FOXP1: variants seen among roughly 807,000 people sequenced by gnomAD.
FOXP1 encodes the protein forkhead box protein P1.
In FOXP1, 15 loss-of-function variants were observed where a neutral mutation model predicts 98.2. The ratio of observed to expected loss-of-function variants is 0.15; its 90% CI spans 0.10 to 0.24. The LOEUF (loss-of-function observed/expected upper bound fraction) is 0.24, where lower values mean the gene tolerates loss of function less well. Among genes scored for constraint, FOXP1 ranks in the 10% least tolerant of loss-of-function variants. The pLI is 1.00. For synonymous variants in FOXP1, 371 were observed against 314.5 expected, an observed-to-expected ratio of 1.18 and a Z score of -1.90; for missense variants, 633 against 848.5, an observed-to-expected ratio of 0.75 and a Z score of 3.15.
At chr3:70,961,377 C>T (rs1575666485) in intron 20 of FOXP1, among the ~76,000 whole-genome samples, 1 of 152,046 alleles carries the variant, frequency 6.6e-6, no homozygotes, top group Non-Finnish European at 1.5e-5. Context: ...ATTACAGGGG[C>T]CCACCACCAC....
intron 7 of FOXP1, among the ~76,000 whole-genome samples, chr3:71,105,781 C>G (rs1383460228): frequency 6.6e-6 from 1 of 152,066 alleles, no homozygotes; most frequent in Non-Finnish European, 1.5e-5. Flanking sequence ...GAGACACACA[C>G]GCACAGGCAC....
At chr3:71,446,977 TC>T (rs1385398598) in intron 3 of FOXP1, among the ~76,000 whole-genome samples, 1 of 152,236 alleles carries the variant, frequency 6.6e-6, no homozygotes, top group Non-Finnish European at 1.5e-5. Flanking sequence ...AGGCAGGGAC[TC>T]AAACACTAGG....
At chr3:71,270,287 T>C (rs1181123326) in intron 5 of FOXP1, among the ~76,000 whole-genome samples, 1 of 152,114 alleles carries the variant, frequency 6.6e-6, no homozygotes, top group Non-Finnish European at 1.5e-5. Context: ...ATTAAAAGCT[T>C]ACTAGTGCTA....
chr3:71,475,847 A>C (rs1300099394), intron 3 of FOXP1, among the ~76,000 whole-genome samples: 2 of 151,914 alleles, frequency 1.3e-5, no homozygotes, highest in Non-Finnish European at 2.9e-5. Flanking sequence ...ACCTCAAAAA[A>C]TAAAAATAAA....
chr3:71,473,114 T>C (rs2089505775), intron 3 of FOXP1, among the ~76,000 whole-genome samples: 1 of 152,126 alleles, frequency 6.6e-6, no homozygotes, highest in Admixed American at 6.5e-5. Flanking sequence ...CCATTTTAGG[T>C]AACAGAATAA....
At chr3:71,170,577 C>T (rs761705255) in intron 6 of FOXP1, among the ~76,000 whole-genome samples, 3 of 152,128 alleles carry the variant, frequency 2.0e-5, no homozygotes, top group Non-Finnish European at 4.4e-5. Context: ...GAAAGTCGCT[C>T]GGATCCAGTC....
intron 2 of FOXP1, among the ~76,000 whole-genome samples, chr3:71,526,116 G>T (rs2043357104): frequency 7.0e-6 from 1 of 143,402 alleles, no homozygotes; most frequent in Non-Finnish European, 1.5e-5. Flanking sequence ...GGGAGACTCT[G>T]TCTCTAAATA....
chr3:71,248,772 C>T (rs887773075), intron 5 of FOXP1, among the ~76,000 whole-genome samples: 3 of 151,122 alleles, frequency 2.0e-5, no homozygotes, highest in Admixed American at 1.3e-4. Flanking sequence ...AGCATGAAGT[C>T]GAATACAAAC....
intron 5 of FOXP1, among the ~76,000 whole-genome samples, chr3:71,260,947 C>T (rs941084733): frequency 2.8e-4 from 43 of 152,120 alleles, no homozygotes; most frequent in Admixed American, 2.7e-3. Flanking sequence ...GAGCTTTCGA[C>T]CACACACCAT....
At chr3:71,345,524 T>C (rs1050523526) in intron 4 of FOXP1, among the ~76,000 whole-genome samples, 1 of 152,100 alleles carries the variant, frequency 6.6e-6, no homozygotes, top group Non-Finnish European at 1.5e-5. Context: ...CACTATCCCT[T>C]GTCCAGTTCT....
At chr3:71,011,320 T>C (rs1310053927) in intron 12 of FOXP1, among the ~76,000 whole-genome samples, 1 of 152,166 alleles carries the variant, frequency 6.6e-6, no homozygotes, top group Non-Finnish European at 1.5e-5. Context: ...CCAGGGCACA[T>C]CATGGTGATT....
At chr3:71,166,046 C>A (rs2061382884) in intron 6 of FOXP1, among the ~76,000 whole-genome samples, 1 of 152,180 alleles carries the variant, frequency 6.6e-6, no homozygotes, top group Admixed American at 6.5e-5. Flanking sequence ...AAAACATTAG[C>A]CAAATTCTGG....
At chr3:71,322,053 G>A (rs1390550222) in intron 4 of FOXP1, among the ~76,000 whole-genome samples, 3 of 152,184 alleles carry the variant, frequency 2.0e-5, no homozygotes, top group African/African-American at 7.2e-5. Context: ...TCATAAGCAG[G>A]ATTTTTATTT....
chr3:71,412,478 A>G (rs185762532), intron 3 of FOXP1, among the ~76,000 whole-genome samples: 1 of 152,178 alleles, frequency 6.6e-6, no homozygotes, highest in Non-Finnish European at 1.5e-5. Flanking sequence ...ACATCACAGT[A>G]TTCTGGCCAA....
In FOXP1 at chr3:71,054,973, T is replaced by TA. The variant is rs199985666; in HGVS notation, c.283-1201dup. ...TTTTGCACTTTGCCTGTGTGCTACT[T>TA]AAAAAAAAAAATCCGGCAGACAATA... On this transcript the variant is annotated intron_variant, in intron 7 of 20. Transcript: ENST00000649528. 4.6e-3 allele frequency among the ~76,000 whole-genome samples: 671 copies of TA among 147,074 alleles called. 32 individuals are homozygous for TA. The East Asian group carries it at 0.11, about 24-fold the overall frequency.
intron 2 of FOXP1, among the ~76,000 whole-genome samples, chr3:71,548,495 G>A (rs542490268): frequency 2.0e-4 from 30 of 152,070 alleles, no homozygotes; most frequent in Admixed American, 2.0e-4. Context: ...AACCTCAACC[G>A]TCAGGACTCA....
At chr3:71,019,066 A>G (rs1306592391) in intron 11 of FOXP1, among the ~76,000 whole-genome samples, 1 of 152,138 alleles carries the variant, frequency 6.6e-6, no homozygotes, top group Non-Finnish European at 1.5e-5. Context: ...CACCAGCTGC[A>G]CCTCTGAATG....
intron 2 of FOXP1, among the ~76,000 whole-genome samples, chr3:71,495,683 C>T (rs2091359169): frequency 6.6e-6 from 1 of 152,156 alleles, no homozygotes; most frequent in Non-Finnish European, 1.5e-5. Context: ...AAAACTGAGG[C>T]ACAGGGAGTT....
intron 6 of FOXP1, among the ~76,000 whole-genome samples, chr3:71,195,080 A>G (rs903273981): frequency 6.6e-6 from 1 of 152,144 alleles, no homozygotes; most frequent in African/African-American, 2.4e-5. Flanking sequence ...TCTCCCAACA[A>G]TTGTTGCCGT....
Sources: allele counts gnomAD v4.1 joint callset (sites outside exome capture counted in the v4.1 genomes callset), GRCh38; gene constraint gnomAD v4.1.1; transcripts MANE v1.5; gene names NCBI Gene and HGNC (gene_info 2026-07-23, HGNC 2026-07-21).